Variants in TRIM5 observed in about 807,000 individuals in gnomAD.
TRIM5 encodes the protein tripartite motif-containing protein 5.
In TRIM5, 31 loss-of-function variants were observed where a neutral mutation model predicts 35.6. The observed-to-expected ratio is 0.87, with a 90% confidence interval of 0.65 to 1.18. The LOEUF is 1.18. Ranked by LOEUF, TRIM5 falls within the 50% of genes most tolerant of loss-of-function variation. The pLI is 0.00. For synonymous variants in TRIM5, 243 were observed against 215.6 expected (o/e 1.13, Z -1.11); for missense variants, 609 against 591.6 (o/e 1.03, Z -0.31).
chr11:5,680,329 T>C, intron 1 of TRIM5, 91 bp from the exon 2 acceptor site: 1 of 789,842 alleles, frequency 1.3e-6, no homozygotes, highest in African/African-American at 1.7e-5. Context: ...ATGGGCAAGA[T>C]GAAAATAATT....
At chr11:5,627,206 A>C in the TRIM5 span, among the ~76,000 whole-genome samples, 1 of 151,604 alleles carries the variant, frequency 6.6e-6, no homozygotes, top group Admixed American at 6.6e-5. Context: ...ACATGGTGAA[A>C]CTCTCTCTAC....
chr11:5,615,514 T>A, the TRIM5 span, among the ~76,000 whole-genome samples: 15 of 152,168 alleles, frequency 9.9e-5, no homozygotes, highest in Admixed American at 8.5e-4. Flanking sequence ...TCTACTAATA[T>A]CTTTTTCTCC....
chr11:5,607,140 C>T, the TRIM5 span, among the ~76,000 whole-genome samples: 1 of 151,920 alleles, frequency 6.6e-6, no homozygotes, highest in African/African-American at 2.4e-5. Context: ...GGAGGCGGAG[C>T]GTGCAGTGAG....
the TRIM5 span, chr11:5,644,104 C>T: frequency 2.5e-6 from 1 of 407,320 alleles, no homozygotes; most frequent in African/African-American, 2.1e-5. Flanking sequence ...GAGGGTATGT[C>T]AGTGTGTTGC....
intron 6 of TRIM5, 146 bp downstream of exon 6, chr11:5,665,835 C>A (rs1851089773): frequency 7.5e-7 from 1 of 1,331,272 alleles, no homozygotes; most frequent in Non-Finnish European, 1.0e-6. Flanking sequence ...AGCCATTTCC[C>A]ATTAAATATA....
intron 4 of TRIM5, among the ~76,000 whole-genome samples, chr11:5,671,891 A>G (rs957126857): frequency 5.9e-5 from 9 of 152,180 alleles, no homozygotes; most frequent in Non-Finnish European, 1.3e-4. Context: ...ATGAACCCCA[A>G]GTTAAATAAC....
At chr11:5,630,022 C>T in the TRIM5 span, among the ~76,000 whole-genome samples, 3 of 152,124 alleles carry the variant, frequency 2.0e-5, no homozygotes, top group Admixed American at 1.3e-4. Context: ...AGGATTCTTA[C>T]GGTGGTACAA....
the TRIM5 span, chr11:5,634,492 T>TACACACACAC: frequency 7.3e-4 from 166 of 228,020 alleles, 1 homozygote; most frequent in East Asian, 7.1e-3. Flanking sequence ...ATAATATAAA[T>TACACACACAC]ACACACACAC....
downstream of TRIM5, among the ~76,000 whole-genome samples, chr11:5,658,884 C>G (rs1258445906): frequency 6.6e-6 from 1 of 152,110 alleles, no homozygotes; most frequent in African/African-American, 2.4e-5. Flanking sequence ...CCATCATTCT[C>G]AGCAAACTAT....
chr11:5,638,584 G>C, the TRIM5 span, among the ~76,000 whole-genome samples: 1 of 152,242 alleles, frequency 6.6e-6, no homozygotes, highest in South Asian at 2.1e-4. Flanking sequence ...ATGACTAACA[G>C]AAGTTAAGGA....
chr11:5,667,055 A>T (rs1851193297), intron 5 of TRIM5, among the ~76,000 whole-genome samples: 1 of 152,168 alleles, frequency 6.6e-6, no homozygotes, highest in Non-Finnish European at 1.5e-5. Flanking sequence ...AAAGAGAACT[A>T]GATGTAGGTA....
chr11:5,668,959 C>T (rs1364591153), intron 4 of TRIM5, among the ~76,000 whole-genome samples: 2 of 152,056 alleles, frequency 1.3e-5, no homozygotes, highest in African/African-American at 4.8e-5. Flanking sequence ...TAACACCAAC[C>T]ATACTGTCTT....
At chr11:5,675,657 C>T (rs1851901087) in intron 4 of TRIM5, among the ~76,000 whole-genome samples, 1 of 107,640 alleles carries the variant, frequency 9.3e-6, no homozygotes, top group East Asian at 2.3e-4. Flanking sequence ...AGCTTTCTTG[C>T]ATTTCTTTTT....
intron 4 of TRIM5, among the ~76,000 whole-genome samples, chr11:5,674,716 T>C (rs887015324): frequency 6.6e-6 from 1 of 152,242 alleles, no homozygotes; most frequent in African/African-American, 2.4e-5. Context: ...CTCAGTTGTG[T>C]TGGAACAACT....
the TRIM5 span, chr11:5,634,021 T>G: frequency 5.4e-5 from 56 of 1,030,734 alleles, no homozygotes; most frequent in Non-Finnish European, 6.5e-5. Flanking sequence ...ATTAGTTCTC[T>G]TCTCTGTCCT....
the TRIM5 span, among the ~76,000 whole-genome samples, chr11:5,648,947 T>C: frequency 5.9e-5 from 9 of 152,380 alleles, no homozygotes; most frequent in Non-Finnish European, 1.0e-4. Flanking sequence ...GAAGTTTACA[T>C]GGCTTTGCTG....
At chr11:5,659,306 CCT>C (rs752830639), downstream of TRIM5, among the ~76,000 whole-genome samples, 5 of 152,122 alleles carry the variant, frequency 3.3e-5, no homozygotes, top group Non-Finnish European at 5.9e-5. Flanking sequence ...AGCCATTCCC[CCT>C]GTCGCATGCC....
downstream of TRIM5, among the ~76,000 whole-genome samples, chr11:5,661,394 C>T (rs191496672): frequency 6.6e-6 from 1 of 152,274 alleles, no homozygotes; most frequent in East Asian, 1.9e-4. Context: ...CCCCTACGAA[C>T]TCTCATTCTG....
At chr11:5,625,868 G>T in the TRIM5 span, among the ~76,000 whole-genome samples, 1 of 152,176 alleles carries the variant, frequency 6.6e-6, no homozygotes, top group African/African-American at 2.4e-5. Context: ...ACCTCAATTT[G>T]TTATTGCTTT....
Sources: allele counts gnomAD v4.1 joint callset (sites outside exome capture counted in the v4.1 genomes callset), GRCh38; gene constraint gnomAD v4.1.1; transcripts MANE v1.5; gene names NCBI Gene and HGNC (gene_info 2026-07-23, HGNC 2026-07-21).